The following TPST2 variants were observed in gnomAD, a reference collection of about 807,000 sequenced individuals.
TPST2 encodes the protein tyrosylprotein sulfotransferase 2, also known as protein-tyrosine sulfotransferase 2.
TPST2 carries 16 observed loss-of-function variants against 27.8 expected under a neutral mutation model. That is an observed-to-expected ratio of 0.58 (90% confidence interval 0.39 to 0.88). The LOEUF (loss-of-function observed/expected upper bound fraction) is 0.88. Among genes scored for constraint, TPST2 ranks in the 40% least tolerant of loss-of-function variants. TPST2 has a pLI of 0.00. For synonymous variants in TPST2, 229 were observed against 231.7 expected (o/e 0.99, Z 0.10); for missense variants, 464 against 543.1 (o/e 0.85, Z 1.45).
At chr22:26,528,087 C>G in intron 6 of TPST2, 127 bp downstream of exon 6, 1 of 1,079,906 alleles carries the variant, frequency 9.3e-7, no homozygotes, top group Admixed American at 2.3e-5. Context: ...GGGGCTGGGT[C>G]AGCCCACCCT....
At chr22:26,579,415 C>T (rs896558105) in intron 1 of TPST2, among the ~76,000 whole-genome samples, 2 of 152,212 alleles carry the variant, frequency 1.3e-5, no homozygotes, top group Non-Finnish European at 2.9e-5. Flanking sequence ...TTCCCCACAG[C>T]CCTGGGGCCC....
intron 1 of TPST2, among the ~76,000 whole-genome samples, chr22:26,583,118 GAAAAA>G (rs113898345): frequency 2.0e-5 from 2 of 99,558 alleles, no homozygotes; most frequent in Non-Finnish European, 2.1e-5. Flanking sequence ...TCTCAAAAAG[GAAAAA>G]AAAAAAAAAA....
At chr22:26,551,123 C>G (rs12165959) in intron 1 of TPST2, among the ~76,000 whole-genome samples, 55,449 of 151,598 alleles carry the variant, frequency 0.37, 10,553 homozygotes, top group African/African-American at 0.46. Flanking sequence ...ACAAAACCCT[C>G]TCTTTACAAA....
intron 1 of TPST2, among the ~76,000 whole-genome samples, chr22:26,577,402 T>C (rs1927892898): frequency 6.6e-6 from 1 of 151,804 alleles, no homozygotes; most frequent in Admixed American, 6.6e-5. Context: ...TGAAGTGTAG[T>C]GGCACTATCT....
At chr22:26,570,228 G>A (rs571881218) in intron 1 of TPST2, among the ~76,000 whole-genome samples, 1 of 151,922 alleles carries the variant, frequency 6.6e-6, no homozygotes, top group African/African-American at 2.4e-5. Flanking sequence ...AAGACTCTTT[G>A]CATTCATTCA....
At chr22:26,567,832 C>T (rs577803277) in intron 1 of TPST2, among the ~76,000 whole-genome samples, 15 of 152,130 alleles carry the variant, frequency 9.9e-5, no homozygotes, top group Non-Finnish European at 1.8e-4. Context: ...TCATATCCAT[C>T]GGGGAAACAA....
chr22:26,566,628 T>C (rs973186334), intron 1 of TPST2, among the ~76,000 whole-genome samples: 1 of 152,056 alleles, frequency 6.6e-6, no homozygotes, highest in Non-Finnish European at 1.5e-5. Context: ...AGCAGGCGCC[T>C]GTAATCCCAG....
chr22:26,560,595 C>T (rs576283773), intron 1 of TPST2: 35 of 1,081,400 alleles, frequency 3.2e-5, no homozygotes, highest in Non-Finnish European at 3.0e-5. Context: ...GCAAACTTGT[C>T]GGGAGGCGCA....
intron 1 of TPST2, among the ~76,000 whole-genome samples, chr22:26,558,088 G>A (rs5761600): frequency 0.74 from 107,269 of 144,976 alleles, 39,991 homozygotes; most frequent in South Asian, 0.8. Flanking sequence ...TATATATATT[G>A]TATAAAAATT....
intron 5 of TPST2, among the ~76,000 whole-genome samples, chr22:26,529,096 A>G (rs1420210427): frequency 6.6e-6 from 1 of 152,108 alleles, no homozygotes; most frequent in African/African-American, 2.4e-5. Context: ...GGGGTCTCAG[A>G]AAGACCAAGG....
intron 5 of TPST2, among the ~76,000 whole-genome samples, chr22:26,530,547 G>T (rs1365862383): frequency 6.6e-6 from 1 of 151,232 alleles, no homozygotes; most frequent in East Asian, 1.9e-4. Context: ...ATGGAATCAT[G>T]CTTGAACCCG....
At chr22:26,581,985 G>A (rs1307052778) in intron 1 of TPST2, among the ~76,000 whole-genome samples, 1 of 152,192 alleles carries the variant, frequency 6.6e-6, no homozygotes, top group East Asian at 1.9e-4. Context: ...CAGGTAGCGG[G>A]CCGGATGTGG....
intron 5 of TPST2, among the ~76,000 whole-genome samples, chr22:26,531,435 A>G (rs368963736): frequency 1.3e-5 from 2 of 152,334 alleles, no homozygotes; most frequent in East Asian, 3.9e-4. Flanking sequence ...TGTAAATCAC[A>G]TTGGGGTAGA....
chr22:26,571,781 A>T (rs1927635689), intron 1 of TPST2, among the ~76,000 whole-genome samples: 1 of 152,118 alleles, frequency 6.6e-6, no homozygotes, highest in Non-Finnish European at 1.5e-5. Context: ...CAAGCCAGAA[A>T]CCCAAGATCA....
In TPST2 at chr22:26,524,357, A is replaced by AAAAAAATT; in HGVS notation, c.*1917_*1918insAATTTTTT. On this transcript the variant is annotated 3_prime_UTR_variant, in exon 7 of 7. Coordinates refer to ENST00000338754, the MANE Select transcript of TPST2 (RefSeq NM_003595.5). ...ACCTCGTCTCTACAGAAAAAAAAAA[A>AAAAAAATT]TTTAAAAAGTAGCCAGGTGTGGTGG... 6.6e-6 allele frequency: 1 copy of AAAAAAATT among 152,002 alleles called. No individual in the cohort carries two copies. The highest frequency in any genetic ancestry group is 1.9e-4 in the East Asian group (1 of 5,158). The allele number at this position is 152,002 out of a possible 1,614,324, so 9.4% of individuals were successfully genotyped here.
chr22:26,588,791 A>T (rs1382574068), intron 1 of TPST2, among the ~76,000 whole-genome samples: 1 of 152,012 alleles, frequency 6.6e-6, no homozygotes, highest in Non-Finnish European at 1.5e-5. Flanking sequence ...TGTGTCACAG[A>T]TCTGTTCAAA....
intron 1 of TPST2, among the ~76,000 whole-genome samples, chr22:26,570,894 C>T (rs867768237): frequency 5.3e-5 from 8 of 152,194 alleles, no homozygotes; most frequent in African/African-American, 9.7e-5. Flanking sequence ...AGCCAGAATC[C>T]GCCATTTCTC....
chr22:26,565,952 C>A (rs1353453671), intron 1 of TPST2, among the ~76,000 whole-genome samples: 1 of 152,178 alleles, frequency 6.6e-6, no homozygotes, highest in Non-Finnish European at 1.5e-5. Context: ...TATATCCACA[C>A]ACCCAAACTG....
chr22:26,558,120 T>TACACAC (rs71192941), intron 1 of TPST2, among the ~76,000 whole-genome samples: 15 of 141,430 alleles, frequency 1.1e-4, no homozygotes, highest in South Asian at 2.2e-4. Context: ...ATATATATAA[T>TACACAC]ACACACACAC....
Sources: allele counts gnomAD v4.1 joint callset (sites outside exome capture counted in the v4.1 genomes callset), GRCh38; gene constraint gnomAD v4.1.1; transcripts MANE v1.5; gene names NCBI Gene and HGNC (gene_info 2026-07-23, HGNC 2026-07-21).